The following DPP6 variants were observed in gnomAD, a reference collection of about 807,000 sequenced individuals.
DPP6 encodes the protein A-type potassium channel modulatory protein DPP6.
DPP6 carries 69 observed loss-of-function variants against 122.6 expected under a neutral mutation model. The ratio of observed to expected loss-of-function variants is 0.56; its 90% CI spans 0.46 to 0.69. The LOEUF is 0.69. Among genes scored for constraint, DPP6 ranks in the 30% least tolerant of loss-of-function variants. The probability of loss-of-function intolerance (pLI) is 0.00; values close to 1 mark genes in which losing one functional copy is unlikely to be tolerated. For missense variants in DPP6, 928 were observed against 1,116.9 expected (o/e 0.83, Z 2.41); for synonymous variants, 418 against 433.1 (o/e 0.97, Z 0.43).
chr7:154,797,281 A>G (rs1370995706), intron 12 of DPP6, among the ~76,000 whole-genome samples: 5 of 152,200 alleles, frequency 3.3e-5, no homozygotes, highest in African/African-American at 1.2e-4. Context: ...GTGTGTCAGA[A>G]TTTTATTCCT....
intron 1 of DPP6, among the ~76,000 whole-genome samples, chr7:154,269,916 A>G (rs925948840): frequency 4.6e-5 from 7 of 152,238 alleles, no homozygotes; most frequent in African/African-American, 4.8e-5. Flanking sequence ...AATTCATGCT[A>G]TAAAATGACT....
At chr7:153,882,922 A>C (rs1798793882), upstream of DPP6, among the ~76,000 whole-genome samples, 1 of 152,206 alleles carries the variant, frequency 6.6e-6, no homozygotes. Context: ...GCTATGGAAC[A>C]GGGCAGATTC....
chr7:154,846,737 CAATA>C (rs1801973670), intron 16 of DPP6, among the ~76,000 whole-genome samples: 1 of 152,142 alleles, frequency 6.6e-6, no homozygotes, highest in Non-Finnish European at 1.5e-5. Flanking sequence ...ACAATGGACT[CAATA>C]AATTATTATA....
chr7:154,047,180 G>A (rs1346259427), intron 1 of DPP6, among the ~76,000 whole-genome samples: 3 of 150,102 alleles, frequency 2.0e-5, no homozygotes, highest in Non-Finnish European at 4.4e-5. Flanking sequence ...TGACCATACC[G>A]CAAGCAGGAC....
chr7:153,982,788 T>C (rs979377499), intron 1 of DPP6, among the ~76,000 whole-genome samples: 5 of 152,222 alleles, frequency 3.3e-5, no homozygotes, highest in African/African-American at 1.2e-4. Context: ...GTTTTTCTTC[T>C]AACAGTCAGT....
At chr7:154,513,703 G>T (rs1020501670) in intron 3 of DPP6, among the ~76,000 whole-genome samples, 85 of 152,132 alleles carry the variant, frequency 5.6e-4, no homozygotes, top group Non-Finnish European at 1.5e-4. Context: ...TCCCAGTGGG[G>T]TCTGGGCCTT....
intron 12 of DPP6, among the ~76,000 whole-genome samples, chr7:154,798,249 C>A (rs959215048): frequency 6.6e-6 from 1 of 152,158 alleles, no homozygotes; most frequent in African/African-American, 2.4e-5. Flanking sequence ...TGTCCTCCAG[C>A]GCTCACTTCA....
At chr7:153,986,908 G>C (rs978074278) in intron 1 of DPP6, among the ~76,000 whole-genome samples, 3 of 151,422 alleles carry the variant, frequency 2.0e-5, no homozygotes, top group African/African-American at 7.3e-5. Flanking sequence ...GAAAGTTCTA[G>C]TTGAATCATT....
chr7:154,621,536 T>C (rs1834664310), intron 5 of DPP6, among the ~76,000 whole-genome samples: 1 of 146,766 alleles, frequency 6.8e-6, no homozygotes, highest in African/African-American at 2.6e-5. Flanking sequence ...ACCCAGCTAA[T>C]TTTTGTATTT....
intron 1 of DPP6, among the ~76,000 whole-genome samples, chr7:154,428,545 C>T (rs573922819): frequency 3.3e-5 from 5 of 152,220 alleles, no homozygotes; most frequent in Admixed American, 2.0e-4. Context: ...CACACCTGCA[C>T]GCATAGGCTT....
chr7:154,042,483 G>T (rs144105592), intron 1 of DPP6, among the ~76,000 whole-genome samples: 2 of 152,166 alleles, frequency 1.3e-5, no homozygotes. Context: ...GATGAAAAAT[G>T]TCAAGCTTTT....
chr7:154,599,884 G>A (rs1833332321), intron 5 of DPP6, among the ~76,000 whole-genome samples: 1 of 152,098 alleles, frequency 6.6e-6, no homozygotes, highest in African/African-American at 2.4e-5. Context: ...CATGCACCGA[G>A]TAAAATGGCT....
In DPP6 at chr7:154,772,756, C is replaced by T. The variant is rs1587092409; in HGVS notation, c.1039-89C>T. The T allele has an allele frequency of 1.1e-5, 17 of 1,533,098 alleles. No individual in the cohort carries two copies. In the East Asian group the frequency reaches 2.2e-4, roughly 20 times the overall value. The allele number at this position is 1,533,098 out of a possible 1,614,324, so 95.0% of individuals were successfully genotyped here. The stretch of plus-strand genomic sequence containing the variant: ...GCTCCAGTGTCCTGGAGTCCCACCT[C>T]GGAATCTCCCAGGAAAGGCTTTGCA... On this transcript the variant is annotated intron_variant, in intron 9 of 25. Coordinates refer to ENST00000377770, the MANE Select transcript of DPP6 (RefSeq NM_130797.4).
intron 1 of DPP6, among the ~76,000 whole-genome samples, chr7:153,964,980 CT>C (rs879356616): frequency 0.27 from 27,802 of 101,848 alleles, 4,136 homozygotes; most frequent in Admixed American, 0.33. Flanking sequence ...TTTCTTTTCC[CT>C]TCCTTCCTTC....
At chr7:154,464,617 G>A (rs1274292680) in intron 2 of DPP6, among the ~76,000 whole-genome samples, 1 of 152,170 alleles carries the variant, frequency 6.6e-6, no homozygotes, top group African/African-American at 2.4e-5. Flanking sequence ...ATATAATCCT[G>A]TGTAACTGAA....
chr7:154,572,510 C>CTTTTTTTTTTTTTTTTTTTT (rs77816407), intron 5 of DPP6, among the ~76,000 whole-genome samples: 2 of 86,140 alleles, frequency 2.3e-5, no homozygotes, highest in Admixed American at 1.3e-4. Context: ...TTTTTCTTTT[C>CTTTTTTTTTTTTTTTTTTTT]TTTTTTTTTT....
At chr7:154,742,761 C>A (rs553284152) in intron 8 of DPP6, among the ~76,000 whole-genome samples, 4 of 152,212 alleles carry the variant, frequency 2.6e-5, no homozygotes, top group African/African-American at 9.6e-5. Context: ...ACAAAGAAGG[C>A]GGGCATGGGC....
At chr7:154,778,911 ACCTCTG>A (rs1796779954) in intron 10 of DPP6, among the ~76,000 whole-genome samples, 1 of 138,342 alleles carries the variant, frequency 7.2e-6, no homozygotes, top group Non-Finnish European at 1.6e-5. Flanking sequence ...CACCACCACC[ACCTCTG>A]TCACCTACAC....
At chr7:153,904,442 G>A (rs1442975898) in intron 1 of DPP6, among the ~76,000 whole-genome samples, 1 of 152,174 alleles carries the variant, frequency 6.6e-6, no homozygotes, top group Non-Finnish European at 1.5e-5. Flanking sequence ...TGTGGACCAG[G>A]ACAACGGGAG....
Sources: gnomAD v4.1 joint callset for allele counts (sites outside exome capture counted in the v4.1 genomes callset) on GRCh38, gnomAD v4.1.1 for gene constraint, MANE v1.5 for transcripts, NCBI Gene and HGNC (gene_info 2026-07-23, HGNC 2026-07-21) for gene names.